Variants in PER2 observed in about 807,000 individuals in gnomAD.
The protein encoded by PER2 is period circadian protein homolog 2.
In PER2, 66 loss-of-function variants were observed where a neutral mutation model predicts 121.0. The ratio of observed to expected loss-of-function variants is 0.55; its 90% CI spans 0.45 to 0.67. The LOEUF (loss-of-function observed/expected upper bound fraction) is 0.67, where lower values mean the gene tolerates loss of function less well. PER2 is among the 30% of genes least tolerant of loss of function. PER2 has a pLI of 0.00. For missense variants in PER2, 1,521 were observed against 1,635.0 expected (o/e 0.93, Z 1.20); for synonymous variants, 684 against 659.9 (o/e 1.04, Z -0.56).
At position 238,253,472 on chromosome 2, in the gene PER2, G is replaced by A. The variant is rs1695670157; in HGVS notation, c.2551C>T (p.Pro851Ser). ...CPAVPFPAPVPAAYSLPVFPA... is the reference protein window; with the variant it reads ...CPAVPFPAPVSAAYSLPVFPA... The stretch of plus-strand genomic sequence containing the variant: ...AACACGGGCAGTGAATAAGCTGCTG[G>A]CACTGGGGCGGGAAAGGGCACGGCT... Residue 851 changes from proline (P) to serine (S), a missense_variant, in exon 19 of 23, where the codon CCA becomes TCA. Pro to Ser is a moderately conservative substitution (Grantham distance 74). Coordinates refer to ENST00000254657, the MANE Select transcript of PER2 (RefSeq NM_022817.3). The surrounding 1 kb of genome is among the most constrained non-coding windows in gnomAD (Gnocchi z 5.6). 1.2e-6 allele frequency: 2 copies of A among 1,612,962 alleles called. No homozygotes were observed. Among genetic ancestry groups the A allele is most frequent in the Admixed American group, 1.7e-5 (1 of 59,980 alleles).
At chr2:238,266,118 T>A (rs936032005) in intron 8 of PER2, among the ~76,000 whole-genome samples, 1 of 152,092 alleles carries the variant, frequency 6.6e-6, no homozygotes, top group Non-Finnish European at 1.5e-5. Context: ...TTGGCCAGGA[T>A]GGTCTCGATC....
At position 238,268,752 on chromosome 2, in the gene PER2, C is replaced by A. The variant is rs994489057; in HGVS notation, c.824+171G>T. The stretch of plus-strand genomic sequence containing the variant: ...ACTCCACTGCTGGCCGCATTCTTAG[C>A]GACCTGTACACATTTAAAATGTAAC... On this transcript the variant is annotated intron_variant, in intron 7 of 22. Coordinates refer to ENST00000254657, the MANE Select transcript of PER2 (RefSeq NM_022817.3). The surrounding 1 kb of genome is among the most constrained non-coding windows in gnomAD (Gnocchi z 4.0). 6.6e-6 allele frequency among the ~76,000 whole-genome samples: 1 copy of A among 152,178 alleles called. No individual in the cohort carries two copies. The highest frequency in any genetic ancestry group is 2.1e-4 in the South Asian group (1 of 4,838).
intron 8 of PER2, among the ~76,000 whole-genome samples, chr2:238,266,182 C>T (rs907270484): frequency 1.2e-4 from 19 of 152,266 alleles, no homozygotes; most frequent in East Asian, 1.9e-4. Flanking sequence ...GGACTACAGG[C>T]GTGAGCCACT....
chr2:238,253,542 G>A lies in PER2; in HGVS notation c.2481C>T (p.Asn827=), dbSNP rs771335901. The change falls in exon 19 of 23, where the codon AAC becomes AAT. Residue 827 remains asparagine (N), a synonymous_variant. Transcript: ENST00000254657. The surrounding 1 kb of genome is among the most constrained non-coding windows in gnomAD (Gnocchi z 5.6). ...TGTCTGAGGGTGACCAGGCTGTGGC[G>A]TTCAAGCCCACCAGCGGGGGCCGGG... is the stretch of plus-strand genomic sequence containing the variant. ...VSARPPLVGL[N]ATAWSPSDTS... 9.1e-5 allele frequency: 146 copies of A among 1,610,972 alleles called. 1 individual carries two copies. Among genetic ancestry groups the A allele is most frequent in the South Asian group, 3.1e-4 (28 of 90,788 alleles).
At chr2:238,271,147 G>A (rs370359985) in intron 6 of PER2, among the ~76,000 whole-genome samples, 165 bp downstream of exon 6, 2 of 152,220 alleles carry the variant, frequency 1.3e-5, no homozygotes, top group African/African-American at 2.4e-5. Context: ...CTGAAGGGAC[G>A]AACAACTGCT....
intron 10 of PER2, among the ~76,000 whole-genome samples, 153 bp downstream of exon 10, chr2:238,262,799 G>A (rs1695975349): frequency 6.6e-6 from 1 of 152,234 alleles, no homozygotes; most frequent in Non-Finnish European, 1.5e-5. Context: ...GGGCACTGCA[G>A]TGCCAGGAGG....
rs764301464 is a variant in PER2, at chr2:238,258,304, G to A, written c.1872C>T (p.Ala624=). Residue 624 remains alanine, a synonymous_variant, in exon 16 of 23, where the codon GCC becomes GCT. Transcript: ENST00000254657. ...PALRSSDKRK[A]TVSPGPHAGE... is the part of the protein sequence containing the mutation. ...CAGCGTGTGGCCCTGGGCTGACTGT[G>A]GCCTTCCGCTTATCACTGGACCTTA... 12 of 1,614,206 alleles carry A rather than the reference G, an allele frequency of 7.4e-6. 1 individual carries two copies. The Admixed American group carries it at 2.0e-4, about 27-fold the overall frequency.
intron 13 of PER2, among the ~76,000 whole-genome samples, chr2:238,260,349 C>T (rs773193402): frequency 1.3e-5 from 2 of 151,932 alleles, no homozygotes; most frequent in African/African-American, 2.4e-5. Flanking sequence ...CTCTGCCTCC[C>T]GGGTTCAAGC....
At chr2:238,266,618 T>C (rs961045331) in intron 8 of PER2, among the ~76,000 whole-genome samples, 2 of 152,230 alleles carry the variant, frequency 1.3e-5, no homozygotes, top group South Asian at 2.1e-4. Flanking sequence ...GGGGAATAAC[T>C]TGTTGAACTC....
At position 238,271,515 on chromosome 2, in the gene PER2, T is replaced by A. The variant is rs1191825634; in HGVS notation, c.571-2A>T. 6.2e-7 allele frequency: 1 copy of A among 1,609,494 alleles called. No homozygotes were observed. Among genetic ancestry groups the A allele is most frequent in the Admixed American group, 1.7e-5 (1 of 60,018 alleles). On this transcript the variant is annotated splice_acceptor_variant, in intron 5 of 22. Coordinates refer to ENST00000254657, the MANE Select transcript of PER2 (RefSeq NM_022817.3). LOFTEE classifies it high-confidence loss of function. ...GGACACGGCCACCGCAAACATATCC[T>A]GAAAAGGAAGAGTAGGGCTCTGATG...
intron 22 of PER2, chr2:238,247,450 A>T (rs1262588150): frequency 6.6e-6 from 1 of 150,616 alleles, no homozygotes; most frequent in Non-Finnish European, 1.5e-5. Context: ...CAACATCAGG[A>T]ACGACCCTGA....
chr2:238,283,515 G>T lies in PER2; in HGVS notation c.-20+4834C>A, dbSNP rs906023771. On this transcript the variant is annotated intron_variant, in intron 1 of 22. Coordinates refer to ENST00000254657, the MANE Select transcript of PER2 (RefSeq NM_022817.3). ...AGGCAGGGGGACAGCACACACAAAGGCCCTGCGGCAGGCAAGCACCTGACC... is the reference window on the plus strand; with the variant it reads ...AGGCAGGGGGACAGCACACACAAAGTCCCTGCGGCAGGCAAGCACCTGACC... 6.6e-5 allele frequency among the ~76,000 whole-genome samples: 10 copies of T among 152,350 alleles called. 1 individual carries two copies. In the Middle Eastern group the frequency reaches 0.01, roughly 155 times the overall value.
intron 9 of PER2, among the ~76,000 whole-genome samples, chr2:238,265,202 C>T (rs751212258): frequency 3.3e-5 from 5 of 152,212 alleles, no homozygotes; most frequent in East Asian, 1.9e-4. Context: ...ATGGCATCTC[C>T]GGCTTCCACC....
Position 238,275,914 on chromosome 2 carries a change from A to G in PER2, c.294-17T>C. On this transcript the variant is annotated splice_polypyrimidine_tract_variant and intron_variant, in intron 3 of 22. Coordinates refer to ENST00000254657, the MANE Select transcript of PER2 (RefSeq NM_022817.3). ...TGGTCGCTACTGCAGGATTCAAGAA[A>G]GAGGCAGCCAAATGTTAGCTTCCTA... The G allele has an allele frequency of 6.2e-7, 1 of 1,614,200 alleles. No homozygotes were observed. Among genetic ancestry groups the G allele is most frequent in the Non-Finnish European group, 8.5e-7 (1 of 1,179,990 alleles).
intron 8 of PER2, 95 bp from the exon 9 acceptor site, chr2:238,265,685 G>A: frequency 1.3e-6 from 1 of 798,198 alleles, no homozygotes. Context: ...TAGATTCAGA[G>A]TAATGAGCAG....
intron 21 of PER2, 114 bp downstream of exon 21, chr2:238,250,437 C>A: frequency 1.3e-6 from 1 of 766,708 alleles, no homozygotes; most frequent in Non-Finnish European, 2.2e-6. Flanking sequence ...TCAGCTAAAT[C>A]TAAGTCTTTC....
Position 238,245,854 on chromosome 2 carries a change from A to T in PER2, c.*521T>A, listed in dbSNP as rs192462890. On this transcript the variant is annotated 3_prime_UTR_variant, in exon 23 of 23. Transcript: ENST00000254657. The stretch of plus-strand genomic sequence containing the variant: ...CACCATTTAATGTGAAACGTTTTGA[A>T]ATAAAACTAGGAGAGGCTGCTATCT... 3.4e-4 allele frequency: 134 copies of T among 392,134 alleles called. No individual in the cohort carries two copies. Among genetic ancestry groups the T allele is most frequent in the Non-Finnish European group, 5.0e-4 (112 of 222,596 alleles). 24.3% of individuals were successfully genotyped at this position (392,134 alleles called of 1,614,324 possible).
Position 238,255,900 on chromosome 2 carries a change from C to T in PER2, c.2077G>A (p.Asp693Asn), listed in dbSNP as rs746007411. 1 of 1,614,252 alleles carries T rather than the reference C, an allele frequency of 6.2e-7. No homozygotes were observed. Among genetic ancestry groups the T allele is most frequent in the South Asian group, 1.1e-5 (1 of 91,090 alleles). The change falls in exon 18 of 23, where the codon GAT becomes AAT. Residue 693 changes from aspartate to asparagine, a missense_variant. By Grantham distance (23) the Asp-to-Asn change is conservative. Coordinates refer to ENST00000254657, the MANE Select transcript of PER2 (RefSeq NM_022817.3). Reference protein sequence around the residue: ...KPQPELEMVEDAASGPESLDC... With the variant: ...KPQPELEMVENAASGPESLDC... ...AGGGATTCTGGCCCACTCGCAGCAT[C>T]TTCCACCATCTCTGTAACACAAGAA...
At position 238,251,155 on chromosome 2, in the gene PER2, T is replaced by C. The variant is rs535457526; in HGVS notation, c.3275-412A>G. Among the ~76,000 whole-genome samples, 36 of 152,320 alleles carry C rather than the reference T, an allele frequency of 2.4e-4. 2 individuals carry two copies. The Middle Eastern group carries it at 0.041, about 173-fold the overall frequency. On this transcript the variant is annotated intron_variant, in intron 20 of 22. Transcript: ENST00000254657. Reference sequence around the variant, plus strand: ...CTGCGAAGGGAGGCGAGGTGAAAGCTCACTCCAGAGAAGTAGGGGAGCTTC... The same window carrying C: ...CTGCGAAGGGAGGCGAGGTGAAAGCCCACTCCAGAGAAGTAGGGGAGCTTC...
Sources: allele counts gnomAD v4.1 joint callset (sites outside exome capture counted in the v4.1 genomes callset), GRCh38; gene constraint gnomAD v4.1.1; non-coding constraint Gnocchi (gnomAD v3.1); transcripts MANE v1.5; gene names NCBI Gene and HGNC (gene_info 2026-07-23, HGNC 2026-07-21).